The following TBC1D10A variants were observed in gnomAD, a reference collection of about 807,000 sequenced individuals.
The protein encoded by TBC1D10A is EBP50-PDX interactor of 64 kDa.
In TBC1D10A, 24 loss-of-function variants were observed where a neutral mutation model predicts 52.9. The ratio of observed to expected loss-of-function variants is 0.45; its 90% CI spans 0.33 to 0.64. TBC1D10A has a LOEUF of 0.64. Ranked by LOEUF, TBC1D10A falls within the 30% of genes least tolerant of loss-of-function variation. The pLI is 0.02. For synonymous variants in TBC1D10A, 278 were observed against 282.9 expected (o/e 0.98, Z 0.17); for missense variants, 602 against 687.9 (o/e 0.88, Z 1.40).
intron 8 of TBC1D10A, chr22:30,293,062 A>G: frequency 3.2e-6 from 2 of 627,382 alleles, no homozygotes; most frequent in Admixed American, 2.8e-5. Context: ...CCACCGCCTC[A>G]GAGGATAAAG....
At chr22:30,305,633 GT>G (rs1163020272) in intron 1 of TBC1D10A, 4 of 152,336 alleles carry the variant, frequency 2.6e-5, no homozygotes, top group Admixed American at 6.5e-5. Context: ...ACAGGACACA[GT>G]GGGGCTGGGG....
At chr22:30,312,172 C>G (rs149326595) in intron 1 of TBC1D10A, among the ~76,000 whole-genome samples, 1 of 152,344 alleles carries the variant, frequency 6.6e-6, no homozygotes, top group African/African-American at 2.4e-5. Flanking sequence ...AATTCCCTTG[C>G]TGGTGACTGA....
intron 6 of TBC1D10A, 136 bp from the exon 7 acceptor site, chr22:30,294,246 G>A: frequency 1.0e-6 from 1 of 960,594 alleles, no homozygotes; most frequent in Non-Finnish European, 1.5e-6. Flanking sequence ...CCTCTGCCAG[G>A]TGCTAGGATA....
In TBC1D10A at chr22:30,293,745, T is replaced by C; in HGVS notation, c.956A>G (p.Glu319Gly). ...CTGGCCCTGGCAGGCTTTGACCTTC[T>C]CAGGGGAGCCCAGCGCGTGCTTCAG... ...VLLKHALGSP[E>G]KVKACQGQYE... is the part of the protein sequence containing the mutation. The change falls in exon 8 of 9, where the codon GAG becomes GGG. Residue 319 changes from glutamate (E) to glycine (G), a missense_variant. Coordinates refer to ENST00000215790, the MANE Select transcript of TBC1D10A (RefSeq NM_031937.3). 4.3e-6 allele frequency: 7 copies of C among 1,613,228 alleles called. No individual in the cohort carries two copies. The highest frequency in any genetic ancestry group is 5.9e-6 in the Non-Finnish European group (7 of 1,179,656).
intron 1 of TBC1D10A, among the ~76,000 whole-genome samples, chr22:30,314,473 A>C (rs1930491991): frequency 6.6e-6 from 1 of 152,090 alleles, no homozygotes; most frequent in African/African-American, 2.4e-5. Flanking sequence ...TCCTGGGAGG[A>C]TGGAGGGGGT....
At chr22:30,300,062 G>A (rs1930169631) in intron 2 of TBC1D10A, among the ~76,000 whole-genome samples, 1 of 152,108 alleles carries the variant, frequency 6.6e-6, no homozygotes, top group Non-Finnish European at 1.5e-5. Context: ...AACACCAGGT[G>A]ATGGCAGGGT....
intron 1 of TBC1D10A, among the ~76,000 whole-genome samples, chr22:30,314,126 C>T (rs1403196524): frequency 6.6e-6 from 1 of 152,146 alleles, no homozygotes; most frequent in Non-Finnish European, 1.5e-5. Flanking sequence ...TTCAGAAAGA[C>T]AATAACTGGC....
chr22:30,326,707 C>A lies in TBC1D10A; in HGVS notation c.175G>T (p.Gly59Cys). Residue 59 changes from glycine (G) to cysteine (C), a missense_variant, in exon 1 of 9, where the codon GGC (glycine) becomes TGC (cysteine). Gly to Cys is a radical substitution (Grantham distance 159). Around this residue, in one of 3 missense-constraint regions of TBC1D10A, gnomAD observed 201 missense variants for 204.4 expected, o/e 0.98. Transcript: ENST00000215790. ...GFAERRIDKF[G>C]FIVGSQGAEG... Reference sequence around the variant, plus strand: ...GCGCCCTGCGAGCCCACGATGAAGCCGAACTTGTCGATGCGGCGCTCGGCG... The same window carrying A: ...GCGCCCTGCGAGCCCACGATGAAGCAGAACTTGTCGATGCGGCGCTCGGCG... The A allele has an allele frequency of 6.5e-7, 1 of 1,546,010 alleles. No individual in the cohort carries two copies. The highest frequency in any genetic ancestry group is 8.7e-7 in the Non-Finnish European group (1 of 1,144,422).
At chr22:30,317,340 G>A (rs1930560492) in intron 1 of TBC1D10A, among the ~76,000 whole-genome samples, 1 of 152,218 alleles carries the variant, frequency 6.6e-6, no homozygotes, top group Admixed American at 6.5e-5. Context: ...CCGGAAGGCA[G>A]AGGTTGCAGT....
intron 1 of TBC1D10A, among the ~76,000 whole-genome samples, chr22:30,318,272 TTGCCA>T (rs1930578670): frequency 1.3e-5 from 2 of 152,198 alleles, no homozygotes; most frequent in Admixed American, 1.3e-4. Context: ...CCCTTCCCAG[TTGCCA>T]TACCACCCTA....
chr22:30,302,180 C>A (rs1419981763), intron 2 of TBC1D10A, among the ~76,000 whole-genome samples: 1 of 152,158 alleles, frequency 6.6e-6, no homozygotes, highest in Non-Finnish European at 1.5e-5. Flanking sequence ...ACCCTGCCTG[C>A]CTTAGGGAGG....
intron 1 of TBC1D10A, among the ~76,000 whole-genome samples, chr22:30,321,487 A>G (rs961081118): frequency 1.3e-5 from 2 of 152,242 alleles, no homozygotes; most frequent in Non-Finnish European, 2.9e-5. Context: ...AATAAACTAT[A>G]GGGATGCCAA....
intron 1 of TBC1D10A, among the ~76,000 whole-genome samples, chr22:30,317,667 T>G (rs1470286287): frequency 2.6e-5 from 4 of 152,164 alleles, no homozygotes; most frequent in African/African-American, 9.7e-5. Flanking sequence ...CAGGCTGGAG[T>G]GCAGTGGCAC....
At chr22:30,294,152 C>T in intron 6 of TBC1D10A, 42 bp from the exon 7 acceptor site, 1 of 1,600,182 alleles carries the variant, frequency 6.2e-7, no homozygotes. Context: ...CCGTGGGCTG[C>T]AGGAGCCAGG....
At chr22:30,304,228 C>T (rs1230370737) in intron 2 of TBC1D10A, among the ~76,000 whole-genome samples, 2 of 152,220 alleles carry the variant, frequency 1.3e-5, no homozygotes, top group Non-Finnish European at 2.9e-5. Flanking sequence ...AGTTGGTAAG[C>T]AGCACTTAAG....
chr22:30,318,302 T>C lies in TBC1D10A; in HGVS notation c.209+8371A>G, dbSNP rs540281231. ...ATACCACCCTAAGGTAGGTTTTCCA[T>C]GTCCTCAGGCCCCAGTCCTCTCTTC... On this transcript the variant is annotated intron_variant, in intron 1 of 8. Transcript: ENST00000215790. Among the ~76,000 whole-genome samples, 6 of 152,248 alleles carry C rather than the reference T, an allele frequency of 3.9e-5. No homozygotes were observed. In the South Asian group the frequency reaches 6.2e-4, roughly 16 times the overall value.
chr22:30,302,863 A>G lies in TBC1D10A; in HGVS notation c.309+1668T>C, dbSNP rs999298728. Among the ~76,000 whole-genome samples the G allele has an allele frequency of 4.9e-4, 74 of 152,362 alleles. 1 individual carries two copies. Among genetic ancestry groups the G allele is most frequent in the East Asian group, 1.9e-4 (1 of 5,188 alleles). On this transcript the variant is annotated intron_variant, in intron 2 of 8. Transcript: ENST00000215790. ...AGGTCCCTGCCAACCACCAGTCACC[A>G]TAACAGATTGCTGGAGAGCAAGCTA...
chr22:30,315,093 TG>T lies in TBC1D10A; in HGVS notation c.210-10464del, dbSNP rs1371381460. On this transcript the variant is annotated intron_variant, in intron 1 of 8. Coordinates refer to ENST00000215790, the MANE Select transcript of TBC1D10A (RefSeq NM_031937.3). ...TCCAGATGACTCAGCGAGGAACTCATGGGGGGATTCCCAACCTGCCCTGGCA... is the reference window on the plus strand; with the variant it reads ...TCCAGATGACTCAGCGAGGAACTCATGGGGGATTCCCAACCTGCCCTGGCA... Among the ~76,000 whole-genome samples, 5 of 152,222 alleles carry T rather than the reference TG, an allele frequency of 3.3e-5. No homozygotes were observed. In the East Asian group the frequency reaches 7.8e-4, roughly 24 times the overall value.
Position 30,326,921 on chromosome 22 carries a change from A to C in TBC1D10A, c.-40T>G. On this transcript the variant is annotated 5_prime_UTR_variant, in exon 1 of 9. Transcript: ENST00000215790. ...CCGCCTGAGCTCCAGCGGCCACCTCAGCCGCCCTGCTGCCGCCGACGCCCC... is the reference window on the plus strand; with the variant it reads ...CCGCCTGAGCTCCAGCGGCCACCTCCGCCGCCCTGCTGCCGCCGACGCCCC... The C allele has an allele frequency of 7.1e-7, 1 of 1,405,186 alleles. No individual in the cohort carries two copies. The allele number at this position is 1,405,186 out of a possible 1,614,324, so 87.0% of individuals were successfully genotyped here.
Sources: allele counts gnomAD v4.1 joint callset (sites outside exome capture counted in the v4.1 genomes callset), GRCh38; gene constraint gnomAD v4.1.1; regional missense constraint gnomAD v4.1.1; transcripts MANE v1.5; gene names NCBI Gene and HGNC (gene_info 2026-07-23, HGNC 2026-07-21).